The following OSBP2 variants were observed in gnomAD, a reference collection of about 807,000 sequenced individuals.
OSBP2 encodes the protein oxysterol-binding protein 2.
Under a neutral mutation model 96.0 loss-of-function variants are expected in OSBP2, and 66 were observed. The observed-to-expected ratio is 0.69, with a 90% CI of 0.56 to 0.84. The LOEUF is 0.84. OSBP2 is among the 40% of genes least tolerant of loss of function. The pLI is 0.00. For missense variants in OSBP2, 1,038 were observed against 1,222.7 expected, an observed-to-expected ratio of 0.85 and a Z score of 2.25; for synonymous variants, 525 against 520.9, an observed-to-expected ratio of 1.01 and a Z score of -0.11.
chr22:30,810,546 G>A (rs190041271), intron 2 of OSBP2, among the ~76,000 whole-genome samples: 95 of 152,262 alleles, frequency 6.2e-4, no homozygotes, highest in Non-Finnish European at 1.2e-3. Context: ...GGTCACTGGT[G>A]TCCACGGCCA....
intron 2 of OSBP2, among the ~76,000 whole-genome samples, chr22:30,763,088 G>A (rs946204833): frequency 6.6e-6 from 1 of 152,194 alleles, no homozygotes; most frequent in Non-Finnish European, 1.5e-5. Flanking sequence ...TTTGTAAAAT[G>A]GGTTTCATGA....
At chr22:30,782,080 A>G (rs1490853417) in intron 2 of OSBP2, among the ~76,000 whole-genome samples, 2 of 152,240 alleles carry the variant, frequency 1.3e-5, no homozygotes, top group East Asian at 3.9e-4. Flanking sequence ...CAGGAGGTGG[A>G]GGTTGCAGTG....
chr22:30,702,722 G>A (rs772672888), intron 1 of OSBP2, among the ~76,000 whole-genome samples: 12 of 152,326 alleles, frequency 7.9e-5, no homozygotes, highest in African/African-American at 2.9e-4. Flanking sequence ...GAGTAGCCCC[G>A]TACTGATCCA....
intron 8 of OSBP2, among the ~76,000 whole-genome samples, chr22:30,892,447 T>A (rs1317396601): frequency 6.6e-6 from 1 of 151,456 alleles, no homozygotes; most frequent in East Asian, 2.0e-4. Flanking sequence ...GGAGATGAGA[T>A]GTCCAAGGGC....
intron 2 of OSBP2, among the ~76,000 whole-genome samples, chr22:30,840,813 T>G (rs545366139): frequency 1.2e-4 from 15 of 129,086 alleles, no homozygotes; most frequent in Non-Finnish European, 2.3e-4. Context: ...AGTTTTAGTG[T>G]TTTTTTTTTT....
rs933558717 is a variant in OSBP2 at position 30,907,633 on chromosome 22, A to T, written c.*1294A>T. On this transcript the variant is annotated 3_prime_UTR_variant, in exon 14 of 14. Transcript: ENST00000332585. Reference sequence around the variant, plus strand: ...GGACTGGTTTTGTTTTTATATATATAAAAAAAAAAAGTGAAAACACCAATG... The same window carrying T: ...GGACTGGTTTTGTTTTTATATATATTAAAAAAAAAAGTGAAAACACCAATG... 5 of 146,618 alleles carry T rather than the reference A, an allele frequency of 3.4e-5. No homozygotes were observed. Among genetic ancestry groups the T allele is most frequent in the African/African-American group, 7.5e-5 (3 of 40,140 alleles). The allele number at this position is 146,618 out of a possible 1,614,324, so 9.1% of individuals were successfully genotyped here. A position where few individuals can be genotyped will look rare whatever the true frequency, so the allele number is the denominator to read the frequency against.
chr22:30,893,533 C>A lies in OSBP2; in HGVS notation c.2061C>A (p.His687Gln), dbSNP rs370229726. The change falls in exon 10 of 14, where the codon CAC becomes CAA. Residue 687 changes from histidine (H) to glutamine (Q), a missense_variant. Around this residue, in one of 3 missense-constraint regions of OSBP2, gnomAD observed 737 missense variants for 913.3 expected, o/e 0.81. Coordinates refer to ENST00000332585, the MANE Select transcript of OSBP2 (RefSeq NM_030758.4). The stretch of plus-strand genomic sequence containing the variant: ...GGAGGAAGAGCACCTCAACTGTTCA[C>A]AACATCATCGTGGGCAAGCTCTGGA... Reference protein sequence around the residue: ...YVWRKSTSTVHNIIVGKLWID... With the variant: ...YVWRKSTSTVQNIIVGKLWID... 1.2e-4 allele frequency: 194 copies of A among 1,614,068 alleles called. No homozygotes were observed. The highest frequency in any genetic ancestry group is 1.6e-4 in the Non-Finnish European group (185 of 1,180,016).
At chr22:30,706,052 T>C (rs1050428419) in intron 1 of OSBP2, among the ~76,000 whole-genome samples, 7 of 152,198 alleles carry the variant, frequency 4.6e-5, no homozygotes, top group Admixed American at 6.5e-5. Flanking sequence ...GATCAGTATA[T>C]GCTTATCCCA....
At chr22:30,814,362 G>A (rs563809117) in intron 2 of OSBP2, among the ~76,000 whole-genome samples, 1 of 150,736 alleles carries the variant, frequency 6.6e-6, no homozygotes, top group South Asian at 2.1e-4. Context: ...ATATGTTTGT[G>A]TCCTCATTTC....
rs902394875 is a variant in OSBP2, at chr22:30,822,663, C to G, written c.854-47766C>G. The G allele has an allele frequency of 1.8e-5, 28 of 1,533,990 alleles. No homozygotes were observed. In the African/African-American group the frequency reaches 2.1e-4, roughly 11 times the overall value. On this transcript the variant is annotated intron_variant, in intron 2 of 13. Transcript: ENST00000332585. ...GACGCGGCTGCTGGGACACGGCCTC[C>G]GTGCGCTCCTTCTGCAGCTCCGGCT...
chr22:30,807,563 T>C (rs1382280320), intron 2 of OSBP2, among the ~76,000 whole-genome samples: 1 of 152,204 alleles, frequency 6.6e-6, no homozygotes, highest in Non-Finnish European at 1.5e-5. Context: ...AAGGGCTTTC[T>C]GCAGACTGGC....
chr22:30,695,600 C>T lies in OSBP2; in HGVS notation c.644+47C>T, dbSNP rs760719944. 5 of 1,562,928 alleles carry T rather than the reference C, an allele frequency of 3.2e-6. No homozygotes were observed. In the East Asian group the frequency reaches 1.1e-4, roughly 35 times the overall value. On this transcript the variant is annotated intron_variant, in intron 1 of 13. Coordinates refer to ENST00000332585, the MANE Select transcript of OSBP2 (RefSeq NM_030758.4). ...ACATGGGGGTTGGAGGGTGGTGATG[C>T]TGCAGGGATGGTGATGGAGGGCCTC... is the stretch of plus-strand genomic sequence containing the variant.
rs1309764401 is a variant in OSBP2, at chr22:30,745,386, G to A, written c.853+4017G>A. Among the ~76,000 whole-genome samples, 5 of 152,166 alleles carry A rather than the reference G, an allele frequency of 3.3e-5. No individual in the cohort carries two copies. In the South Asian group the frequency reaches 8.3e-4, roughly 25 times the overall value. ...AATAAAGATTAAAGTTGGGCTGGGC[G>A]TGGTGGCTCACGCCTGTAATCCCAG... On this transcript the variant is annotated intron_variant, in intron 2 of 13. Coordinates refer to ENST00000332585, the MANE Select transcript of OSBP2 (RefSeq NM_030758.4).
intron 2 of OSBP2, among the ~76,000 whole-genome samples, chr22:30,857,061 A>AT (rs1257018752): frequency 6.6e-6 from 1 of 151,998 alleles, no homozygotes; most frequent in Non-Finnish European, 1.5e-5. Context: ...TTTGAGATTG[A>AT]TTTTTCTCCT....
At chr22:30,758,266 G>A (rs1478269024) in intron 2 of OSBP2, among the ~76,000 whole-genome samples, 1 of 152,106 alleles carries the variant, frequency 6.6e-6, no homozygotes, top group Non-Finnish European at 1.5e-5. Flanking sequence ...GCCGGGTGTG[G>A]TGGCGCACGC....
At chr22:30,770,668 A>G (rs2090335795) in intron 2 of OSBP2, 1 of 152,278 alleles carries the variant, frequency 6.6e-6, no homozygotes, top group South Asian at 2.1e-4. Flanking sequence ...GAAGTGGAGC[A>G]TCCAAGGGGA....
In OSBP2 at chr22:30,907,302, C is replaced by A. The variant is rs1262146022; in HGVS notation, c.*963C>A. The A allele has an allele frequency of 2.0e-5, 3 of 152,010 alleles. No individual in the cohort carries two copies. The highest frequency in any genetic ancestry group is 7.3e-5 in the African/African-American group (3 of 41,288). The allele number at this position is 152,010 out of a possible 1,614,324, so 9.4% of individuals were successfully genotyped here. A position where few individuals can be genotyped will look rare whatever the true frequency, so the allele number is the denominator to read the frequency against. On this transcript the variant is annotated 3_prime_UTR_variant, in exon 14 of 14. Coordinates refer to ENST00000332585, the MANE Select transcript of OSBP2 (RefSeq NM_030758.4). ...GCCCCATCTCAGTGTCCCCTGAACT[C>A]TTTATTTGCCTAATTTATATATATA...
chr22:30,848,756 G>A (rs1051795219), intron 2 of OSBP2, among the ~76,000 whole-genome samples: 8 of 152,012 alleles, frequency 5.3e-5, no homozygotes, highest in Non-Finnish European at 7.4e-5. Context: ...TAGTTTGTTC[G>A]TTTTTATTGC....
chr22:30,865,496 G>A (rs982531758), intron 2 of OSBP2, among the ~76,000 whole-genome samples: 5 of 152,008 alleles, frequency 3.3e-5, no homozygotes, highest in African/African-American at 4.8e-5. Context: ...GCCAGGTGTT[G>A]TGACGCATGC....
Sources: allele counts gnomAD v4.1 joint callset (sites outside exome capture counted in the v4.1 genomes callset), GRCh38; gene constraint gnomAD v4.1.1; regional missense constraint gnomAD v4.1.1; transcripts MANE v1.5; gene names NCBI Gene and HGNC (gene_info 2026-07-23, HGNC 2026-07-21).